The following DPYSL2 variants were observed in gnomAD, a reference collection of about 807,000 sequenced individuals.
DPYSL2 encodes the protein dihydropyrimidinase-related protein 2.
In DPYSL2, 13 loss-of-function variants were observed where a neutral mutation model predicts 69.9. That is an observed-to-expected ratio of 0.19 (90% CI 0.12 to 0.30). The LOEUF (loss-of-function observed/expected upper bound fraction) is 0.30, where lower values mean the gene tolerates loss of function less well. DPYSL2 is among the 10% of genes least tolerant of loss of function. The pLI, the probability that DPYSL2 is intolerant of heterozygous loss-of-function variation, is 1.00. For synonymous variants in DPYSL2, 326 were observed against 359.1 expected (o/e 0.91, Z 1.04); for missense variants, 587 against 918.9 (o/e 0.64, Z 4.67).
intron 3 of DPYSL2, among the ~76,000 whole-genome samples, chr8:26,611,730 C>A (rs1175564282): frequency 6.6e-6 from 1 of 152,212 alleles, no homozygotes; most frequent in African/African-American, 2.4e-5. Flanking sequence ...GCCTTCCCCC[C>A]AGGCCACGAT....
chr8:26,540,176 T>C (rs1372567728), intron 1 of DPYSL2, among the ~76,000 whole-genome samples: 1 of 152,028 alleles, frequency 6.6e-6, no homozygotes, highest in Admixed American at 6.6e-5. Flanking sequence ...GATAAAATAA[T>C]CTTAAAACCT....
chr8:26,643,546 T>G lies in DPYSL2; in HGVS notation c.1234T>G (p.Leu412Val), dbSNP rs1259051616. 3 of 1,614,204 alleles carry G rather than the reference T, an allele frequency of 1.9e-6. No individual in the cohort carries two copies. Among genetic ancestry groups the G allele is most frequent in the Non-Finnish European group, 2.5e-6 (3 of 1,180,020 alleles). ...KAAAFVTSPP[L>V]SPDPTTPDFL... is the part of the protein sequence containing the mutation. ...TGCTGCCTTTGTCACCTCCCCACCCTTGAGCCCTGATCCAACCACTCCAGA... is the reference window on the plus strand; with the variant it reads ...TGCTGCCTTTGTCACCTCCCCACCCGTGAGCCCTGATCCAACCACTCCAGA... Residue 412 changes from leucine (L) to valine (V), a missense_variant, in exon 9 of 14, where the codon TTG (leucine) becomes GTG (valine). Physicochemically the swap from Leu to Val is conservative, Grantham distance 32. This residue lies in a region of DPYSL2 where 452 missense variants were observed against 754.3 expected (regional missense o/e 0.60). Transcript: ENST00000521913. This position sits in a 1 kb window ranked among gnomAD's most constrained non-coding sequence, Gnocchi z 6.5.
rs1266808527 is a variant in DPYSL2 at position 26,587,711 on chromosome 8, G to T, written c.628+3728G>T. Among the ~76,000 whole-genome samples, 1 of 152,186 alleles carries T rather than the reference G, an allele frequency of 6.6e-6. No individual in the cohort carries two copies. Among genetic ancestry groups the T allele is most frequent in the Non-Finnish European group, 1.5e-5 (1 of 68,044 alleles). ...GCCCTTTCCACCCAGTGGTGGGTGG[G>T]CAGAGACTGCAGACATACCCTGCAG... On this transcript the variant is annotated intron_variant, in intron 3 of 13. Coordinates refer to ENST00000521913, the MANE Select transcript of DPYSL2 (RefSeq NM_001197293.3). The surrounding 1 kb of genome is among the most constrained non-coding windows in gnomAD (Gnocchi z 4.2).
chr8:26,515,235 G>C (rs1209337350), intron 1 of DPYSL2, among the ~76,000 whole-genome samples: 1 of 152,160 alleles, frequency 6.6e-6, no homozygotes, highest in Non-Finnish European at 1.5e-5. Context: ...CCCCCTCCGA[G>C]CACCGCACCG....
chr8:26,646,192 A>G (rs1317421258), intron 10 of DPYSL2, among the ~76,000 whole-genome samples: 5 of 115,898 alleles, frequency 4.3e-5, no homozygotes, highest in South Asian at 2.9e-4. Flanking sequence ...TTGAACATTT[A>G]TGTTGTTTCT....
At chr8:26,618,915 G>A (rs148726470) in intron 3 of DPYSL2, among the ~76,000 whole-genome samples, 10,134 of 151,928 alleles carry the variant, frequency 0.067, 380 homozygotes, top group East Asian at 0.09. Context: ...CTGAGATCGC[G>A]CCACTGCACT....
chr8:26,576,186 T>G (rs1002869901), intron 1 of DPYSL2, among the ~76,000 whole-genome samples: 1 of 152,150 alleles, frequency 6.6e-6, no homozygotes, highest in African/African-American at 2.4e-5. Flanking sequence ...TTTAGAGATA[T>G]AGGAGTGAAA....
Position 26,514,842 on chromosome 8 carries a change from G to A in DPYSL2, c.354+163G>A, listed in dbSNP as rs1234976583. Among the ~76,000 whole-genome samples the A allele has an allele frequency of 6.6e-6, 1 of 152,164 alleles. No individual in the cohort carries two copies. The highest frequency in any genetic ancestry group is 1.5e-5 in the Non-Finnish European group (1 of 68,014). ...CCCGCCCCTTCTCCGCGCAGGGTGCGGCGAGGCTCGGGCTGGGCGGTGGGC... is the reference window on the plus strand; with the variant it reads ...CCCGCCCCTTCTCCGCGCAGGGTGCAGCGAGGCTCGGGCTGGGCGGTGGGC... On this transcript the variant is annotated intron_variant, in intron 1 of 13. Coordinates refer to ENST00000521913, the MANE Select transcript of DPYSL2 (RefSeq NM_001197293.3). This position sits in a 1 kb window ranked among gnomAD's most constrained non-coding sequence, Gnocchi z 8.4.
At chr8:26,556,707 A>G (rs1328417845) in intron 1 of DPYSL2, among the ~76,000 whole-genome samples, 1 of 152,102 alleles carries the variant, frequency 6.6e-6, no homozygotes, top group East Asian at 1.9e-4. Flanking sequence ...ATACAATCAA[A>G]ATGCCAGCAA....
intron 1 of DPYSL2, among the ~76,000 whole-genome samples, chr8:26,556,446 A>C (rs1800988793): frequency 7.6e-6 from 1 of 131,158 alleles, no homozygotes. Flanking sequence ...CCGAAGAATC[A>C]ACAACATTAA....
chr8:26,654,012 G>A lies in DPYSL2; in HGVS notation c.1942+615G>A, dbSNP rs1390137356. Among the ~76,000 whole-genome samples, 2 of 152,184 alleles carry A rather than the reference G, an allele frequency of 1.3e-5. No individual in the cohort carries two copies. Among genetic ancestry groups the A allele is most frequent in the Non-Finnish European group, 2.9e-5 (2 of 68,040 alleles). Reference sequence around the variant, plus strand: ...TAGGTCCATCATAAGAAAGGACACTGTGGTATTTCAGGACTTCTCTTCTCT... The same window carrying A: ...TAGGTCCATCATAAGAAAGGACACTATGGTATTTCAGGACTTCTCTTCTCT... On this transcript the variant is annotated intron_variant, in intron 13 of 13. Transcript: ENST00000521913. This position sits in a 1 kb window ranked among gnomAD's most constrained non-coding sequence, Gnocchi z 5.0.
At chr8:26,563,790 T>C (rs1248344131) in intron 1 of DPYSL2, among the ~76,000 whole-genome samples, 1 of 152,220 alleles carries the variant, frequency 6.6e-6, no homozygotes, top group Non-Finnish European at 1.5e-5. Context: ...TGTTGTAGGT[T>C]TTTTTACTAT....
rs141190471 is a variant in DPYSL2, at chr8:26,617,775, G to A, written c.629-6368G>A. On this transcript the variant is annotated intron_variant, in intron 3 of 13. Coordinates refer to ENST00000521913, the MANE Select transcript of DPYSL2 (RefSeq NM_001197293.3). This position sits in a 1 kb window ranked among gnomAD's most constrained non-coding sequence, Gnocchi z 4.7. ...TACATCTTTTATGATTCCATTGATAGGAAATGTCCTGAATAAACAAATCTA... is the reference window on the plus strand; with the variant it reads ...TACATCTTTTATGATTCCATTGATAAGAAATGTCCTGAATAAACAAATCTA... 6.6e-6 allele frequency among the ~76,000 whole-genome samples: 1 copy of A among 152,332 alleles called. No homozygotes were observed. Among genetic ancestry groups the A allele is most frequent in the Non-Finnish European group, 1.5e-5 (1 of 68,030 alleles).
chr8:26,616,044 C>T (rs1357228744), intron 3 of DPYSL2, among the ~76,000 whole-genome samples: 1 of 152,140 alleles, frequency 6.6e-6, no homozygotes, highest in Non-Finnish European at 1.5e-5. Context: ...TCGTTTACAA[C>T]ACCCTGGAAC....
In DPYSL2 at chr8:26,626,491, A is replaced by G; in HGVS notation, c.794-126A>G. 3.4e-6 allele frequency: 1 copy of G among 290,796 alleles called. No individual in the cohort carries two copies. The highest frequency in any genetic ancestry group is 6.3e-6 in the Non-Finnish European group (1 of 158,604). The allele number at this position is 290,796 out of a possible 1,614,324, so 18.0% of individuals were successfully genotyped here. ...TCTTTCTCTGTACTGAAACACACAC[A>G]CACACACACACACACACACACACAC... is the stretch of plus-strand genomic sequence containing the variant. On this transcript the variant is annotated intron_variant, in intron 4 of 13. Transcript: ENST00000521913. This position sits in a 1 kb window ranked among gnomAD's most constrained non-coding sequence, Gnocchi z 4.3.
In DPYSL2 at chr8:26,564,211, A is replaced by C. The variant is rs1452476342; in HGVS notation, c.355-17758A>C. 1.3e-5 allele frequency among the ~76,000 whole-genome samples: 2 copies of C among 152,192 alleles called. No individual in the cohort carries two copies. The highest frequency in any genetic ancestry group is 2.9e-5 in the Non-Finnish European group (2 of 68,036). ...CTGTTTGCCCAAGCTTTTCTAATGG[A>C]GTCAGGCGAAGAGGCCAACTGTAGT... On this transcript the variant is annotated intron_variant, in intron 1 of 13. Transcript: ENST00000521913. The surrounding 1 kb of genome is among the most constrained non-coding windows in gnomAD (Gnocchi z 4.8).
At position 26,588,794 on chromosome 8, in the gene DPYSL2, G is replaced by A. The variant is rs17055480; in HGVS notation, c.628+4811G>A. On this transcript the variant is annotated intron_variant, in intron 3 of 13. Coordinates refer to ENST00000521913, the MANE Select transcript of DPYSL2 (RefSeq NM_001197293.3). The surrounding 1 kb of genome is among the most constrained non-coding windows in gnomAD (Gnocchi z 5.4). ...CCTGTCTGCTCCTTGCTGCTTTTCCGGTGCCCAGTCCTGGAGAGGGCTCGC... is the reference window on the plus strand; with the variant it reads ...CCTGTCTGCTCCTTGCTGCTTTTCCAGTGCCCAGTCCTGGAGAGGGCTCGC... Among the ~76,000 whole-genome samples, 4,319 of 152,244 alleles carry A rather than the reference G, an allele frequency of 0.028. 91 individuals are homozygous for A. The highest frequency in any genetic ancestry group is 0.071 in the Middle Eastern group (21 of 294).
intron 1 of DPYSL2, chr8:26,547,891 G>A (rs1800805291): frequency 7.2e-6 from 2 of 278,182 alleles, no homozygotes; most frequent in South Asian, 8.1e-5. Context: ...CTCCCTCTGA[G>A]TGCCACTGAA....
rs1803269544 is a variant in DPYSL2, at chr8:26,650,984, G to A, written c.1597-1273G>A. Among the ~76,000 whole-genome samples, 1 of 152,184 alleles carries A rather than the reference G, an allele frequency of 6.6e-6. No individual in the cohort carries two copies. Among genetic ancestry groups the A allele is most frequent in the African/African-American group, 2.4e-5 (1 of 41,452 alleles). On this transcript the variant is annotated intron_variant, in intron 11 of 13. Coordinates refer to ENST00000521913, the MANE Select transcript of DPYSL2 (RefSeq NM_001197293.3). This position sits in a 1 kb window ranked among gnomAD's most constrained non-coding sequence, Gnocchi z 5.3. ...CCTAGAAGAACTTGGATTTAGTCTA[G>A]GCTGGCAGTACCCGCGTGGCTCCGG...
Sources: gnomAD v4.1 joint callset for allele counts (sites outside exome capture counted in the v4.1 genomes callset) on GRCh38, gnomAD v4.1.1 for gene constraint, gnomAD v4.1.1 regional missense constraint, Gnocchi (gnomAD v3.1) non-coding constraint, MANE v1.5 for transcripts, NCBI Gene and HGNC (gene_info 2026-07-23, HGNC 2026-07-21) for gene names.